ARHGAP8: variants seen among roughly 807,000 people sequenced by gnomAD.
ARHGAP8 encodes the protein rho GTPase-activating protein 8.
ARHGAP8 carries 62 observed loss-of-function variants against 46.1 expected under a neutral mutation model. The ratio of observed to expected loss-of-function variants is 1.34; its 90% CI spans 1.10 to 1.66. The LOEUF (loss-of-function observed/expected upper bound fraction) is 1.66, where lower values mean the gene tolerates loss of function less well. Ranked by LOEUF, ARHGAP8 falls within the 40% of genes most tolerant of loss-of-function variation. The pLI, the probability that ARHGAP8 is intolerant of heterozygous loss-of-function variation, is 0.00. For synonymous variants in ARHGAP8, 375 were observed against 243.1 expected, an observed-to-expected ratio of 1.54 and a Z score of -5.05; for missense variants, 923 against 568.4, an observed-to-expected ratio of 1.62 and a Z score of -6.34.
intron 2 of ARHGAP8, among the ~76,000 whole-genome samples, chr22:44,788,770 T>C (rs1034489083): frequency 6.6e-6 from 1 of 152,236 alleles, no homozygotes. Flanking sequence ...TATATATGGA[T>C]ACAATCCGCT....
intron 1 of ARHGAP8, among the ~76,000 whole-genome samples, chr22:44,766,623 T>C (rs1357425847): frequency 3.9e-5 from 6 of 152,130 alleles, no homozygotes; most frequent in Non-Finnish European, 8.8e-5. Context: ...AGTACGCACA[T>C]GATTCCAAGA....
chr22:44,802,384 C>G (rs1379034990), intron 3 of ARHGAP8, among the ~76,000 whole-genome samples: 1 of 152,172 alleles, frequency 6.6e-6, no homozygotes, highest in East Asian at 1.9e-4. Flanking sequence ...ACAGTGGGAG[C>G]CAGGTTTTGT....
intron 2 of ARHGAP8, among the ~76,000 whole-genome samples, chr22:44,794,642 G>A (rs1282690833): frequency 6.6e-6 from 1 of 152,080 alleles, no homozygotes; most frequent in African/African-American, 2.4e-5. Context: ...CCCAGGAGAT[G>A]GAGGTTGCTG....
chr22:44,859,693 C>A (rs778969201), intron 10 of ARHGAP8, 38 bp from the exon 11 acceptor site: 13 of 1,606,792 alleles, frequency 8.1e-6, no homozygotes, highest in East Asian at 4.5e-5. Context: ...TGCCCCTGGC[C>A]CCTCTGGAGC....
chr22:44,808,881 A>G (rs1929136711), intron 4 of ARHGAP8: 1 of 363,830 alleles, frequency 2.7e-6, no homozygotes, highest in Non-Finnish European at 5.4e-6. Context: ...GCAGTGGTGC[A>G]ATCATGGTTC....
At chr22:44,841,492 C>T (rs1459322262) in intron 7 of ARHGAP8, among the ~76,000 whole-genome samples, 2 of 152,162 alleles carry the variant, frequency 1.3e-5, no homozygotes, top group Admixed American at 1.3e-4. Flanking sequence ...TGGCCAAATC[C>T]AACTTCCTTT....
chr22:44,856,722 A>G (rs1163237082), intron 10 of ARHGAP8, among the ~76,000 whole-genome samples: 1 of 144,170 alleles, frequency 6.9e-6, no homozygotes, highest in African/African-American at 2.8e-5. Flanking sequence ...CAAAGGACCC[A>G]AGAGACAGAG....
At chr22:44,843,174 C>T (rs917159841) in intron 7 of ARHGAP8, among the ~76,000 whole-genome samples, 6 of 152,176 alleles carry the variant, frequency 3.9e-5, no homozygotes, top group African/African-American at 1.4e-4. Flanking sequence ...CTGCCTTGCC[C>T]ACCACATTAT....
At chr22:44,812,597 C>T (rs377544003) in intron 4 of ARHGAP8, among the ~76,000 whole-genome samples, 10 of 151,950 alleles carry the variant, frequency 6.6e-5, no homozygotes, top group East Asian at 1.9e-4. Flanking sequence ...CCTCGTGATC[C>T]GCCCGCCTCA....
intron 10 of ARHGAP8, among the ~76,000 whole-genome samples, chr22:44,853,672 T>C (rs549621200): frequency 6.6e-6 from 1 of 152,342 alleles, no homozygotes; most frequent in East Asian, 1.9e-4. Flanking sequence ...GCTAGAACTT[T>C]TAATAAGGAA....
At chr22:44,814,822 G>A in intron 5 of ARHGAP8, 64 bp downstream of exon 5, 1 of 1,579,118 alleles carries the variant, frequency 6.3e-7, no homozygotes, top group East Asian at 2.2e-5. Context: ...GGGTCCATGG[G>A]ACGGCCTTCC....
chr22:44,862,091 G>A (rs1359186444), intron 11 of ARHGAP8, among the ~76,000 whole-genome samples, 184 bp from the exon 12 acceptor site: 7 of 152,306 alleles, frequency 4.6e-5, no homozygotes, highest in Admixed American at 1.3e-4. Flanking sequence ...CTTCCTTTTA[G>A]AGATAGGGTA....
Position 44,808,326 on chromosome 22 carries a change from G to A in ARHGAP8, c.187G>A (p.Asp63Asn), listed in dbSNP as rs778417488. ...GCCCAGGTATTTGAAGTACACACTGGACCAATACGTTGAGAACGATTATAC... is the reference window on the plus strand; with the variant it reads ...GCCCAGGTATTTGAAGTACACACTGAACCAATACGTTGAGAACGATTATAC... ...RLLEYLKYTL[D>N]QYVENDYTIV... The change falls in exon 4 of 12, where the codon GAC becomes AAC. Residue 63 changes from aspartate (D) to asparagine (N), a missense_variant. Coordinates refer to ENST00000356099, the MANE Select transcript of ARHGAP8 (RefSeq NM_181335.3). 8 of 1,614,178 alleles carry A rather than the reference G, an allele frequency of 5.0e-6. No individual in the cohort carries two copies. The South Asian group carries it at 7.7e-5, about 16-fold the overall frequency.
chr22:44,839,480 C>T (rs539082468), intron 7 of ARHGAP8, among the ~76,000 whole-genome samples: 14 of 152,274 alleles, frequency 9.2e-5, no homozygotes, highest in Non-Finnish European at 1.6e-4. Flanking sequence ...AAAGCACACT[C>T]GATACCATGT....
chr22:44,848,573 C>T lies in ARHGAP8; in HGVS notation c.749-359C>T, dbSNP rs562539615. On this transcript the variant is annotated intron_variant, in intron 9 of 11. Transcript: ENST00000356099. ...ACAATCATGGAGCATCAGGTCTGCA[C>T]GGGGCCCAGCTCAGGCCTGCCTGTC... 7.9e-5 allele frequency among the ~76,000 whole-genome samples: 12 copies of T among 152,340 alleles called. No individual in the cohort carries two copies. The East Asian group carries it at 9.7e-4, about 12-fold the overall frequency.
At chr22:44,815,292 G>A (rs1026710558) in intron 5 of ARHGAP8, among the ~76,000 whole-genome samples, 2 of 152,182 alleles carry the variant, frequency 1.3e-5, no homozygotes, top group Non-Finnish European at 2.9e-5. Flanking sequence ...CCGAGCCTTG[G>A]TGCCCAGGGT....
rs1180584759 is a variant in ARHGAP8 at position 44,861,833 on chromosome 22, G to C, written c.982-442G>C. Among the ~76,000 whole-genome samples, 7 of 152,284 alleles carry C rather than the reference G, an allele frequency of 4.6e-5. No homozygotes were observed. In the East Asian group the frequency reaches 1.4e-3, roughly 29 times the overall value. On this transcript the variant is annotated intron_variant, in intron 11 of 11. Transcript: ENST00000356099. ...GATGGACAAGGAGCCCCTTCTAGCA[G>C]GCAAGCTCTTTCCACTCTCCCTGCC...
chr22:44,757,715 T>C (rs984134504), intron 1 of ARHGAP8, among the ~76,000 whole-genome samples: 9 of 152,084 alleles, frequency 5.9e-5, no homozygotes, highest in Admixed American at 5.2e-4. Context: ...CTCAGCTGAC[T>C]GCAACCTCCG....
intron 7 of ARHGAP8, among the ~76,000 whole-genome samples, chr22:44,842,144 G>A (rs1225668902): frequency 2.0e-5 from 3 of 152,182 alleles, no homozygotes; most frequent in Non-Finnish European, 4.4e-5. Flanking sequence ...GGATCACATG[G>A]TCAAGAGATA....
Sources: allele counts gnomAD v4.1 joint callset (sites outside exome capture counted in the v4.1 genomes callset), GRCh38; gene constraint gnomAD v4.1.1; transcripts MANE v1.5; gene names NCBI Gene and HGNC (gene_info 2026-07-23, HGNC 2026-07-21).